The following CUX1 variants were observed in gnomAD, a reference collection of about 807,000 sequenced individuals.
CUX1 encodes protein CASP.
Under a neutral mutation model 158.8 loss-of-function variants are expected in CUX1, and 31 were observed. That is an observed-to-expected ratio of 0.20 (90% confidence interval 0.15 to 0.26). The LOEUF is 0.26. CUX1 is among the 10% of genes least tolerant of loss of function. The pLI, the probability that CUX1 is intolerant of heterozygous loss-of-function variation, is 1.00. For missense variants in CUX1, 1,589 were observed against 2,014.6 expected (o/e 0.79, Z 4.04); for synonymous variants, 879 against 862.1 (o/e 1.02, Z -0.34).
intron 23 of CUX1, among the ~76,000 whole-genome samples, chr7:102,245,327 A>G (rs1032804286): frequency 9.9e-5 from 15 of 152,210 alleles, no homozygotes; most frequent in Non-Finnish European, 7.3e-5. Context: ...TATAGGCATG[A>G]GTCCCTGCAC....
chr7:101,955,984 C>T (rs1436585318), intron 2 of CUX1, among the ~76,000 whole-genome samples: 2 of 151,716 alleles, frequency 1.3e-5, no homozygotes, highest in African/African-American at 2.4e-5. Context: ...GGGATGAGAC[C>T]ATCCTGGCTA....
At chr7:102,157,653 G>T (rs577603111) in intron 8 of CUX1, among the ~76,000 whole-genome samples, 1 of 152,122 alleles carries the variant, frequency 6.6e-6, no homozygotes, top group Non-Finnish European at 1.5e-5. Context: ...GGTGGTGCAC[G>T]CCTGTAGTCT....
At chr7:101,885,480 G>A (rs1342769279) in intron 1 of CUX1, among the ~76,000 whole-genome samples, 1 of 152,192 alleles carries the variant, frequency 6.6e-6, no homozygotes, top group Non-Finnish European at 1.5e-5. Context: ...GATCCCTCAA[G>A]CCCAGGAGGT....
At position 102,253,987 on chromosome 7, in the gene CUX1, C is replaced by T. The variant is rs1801801722; in HGVS notation, c.*4945C>T. 2.3e-5 allele frequency: 23 copies of T among 985,400 alleles called. No individual in the cohort carries two copies. Among genetic ancestry groups the T allele is most frequent in the Non-Finnish European group, 2.8e-5 (23 of 829,988 alleles). 61.0% of individuals were successfully genotyped at this position (985,400 alleles called of 1,614,324 possible). ...TCACCCAGAACCACACCCCACAGAA[C>T]TGTGAGGCACGTGGGCTGGAGAGAG... On this transcript the variant is annotated 3_prime_UTR_variant, in exon 24 of 24. Coordinates refer to ENST00000292535, the MANE Select transcript of CUX1 (RefSeq NM_181552.4).
At chr7:102,064,207 G>A (rs569335407) in intron 3 of CUX1, among the ~76,000 whole-genome samples, 2 of 152,300 alleles carry the variant, frequency 1.3e-5, no homozygotes, top group South Asian at 4.1e-4. Flanking sequence ...CTTCCAAATA[G>A]TTTTGTGTCT....
intron 1 of CUX1, among the ~76,000 whole-genome samples, chr7:101,877,745 A>AATCCCT (rs1799294775): frequency 6.8e-6 from 1 of 145,990 alleles, no homozygotes; most frequent in Non-Finnish European, 1.5e-5. Context: ...AGTACATTAA[A>AATCCCT]ATCCCTCCAA....
At chr7:102,020,895 A>AG (rs1819259184) in intron 2 of CUX1, among the ~76,000 whole-genome samples, 1 of 151,740 alleles carries the variant, frequency 6.6e-6, no homozygotes. Flanking sequence ...AAAAAAAAAA[A>AG]AAGAAATTAC....
chr7:101,962,771 A>C (rs1810669951), intron 2 of CUX1, among the ~76,000 whole-genome samples: 2 of 152,046 alleles, frequency 1.3e-5, no homozygotes, highest in Non-Finnish European at 2.9e-5. Context: ...CCCAGGCTGG[A>C]GTTCAGTGGT....
intron 14 of CUX1, 25 bp from the exon 15 acceptor site, chr7:102,196,609 G>T: frequency 6.6e-7 from 1 of 1,504,132 alleles, no homozygotes; most frequent in Non-Finnish European, 8.9e-7. Flanking sequence ...CCCCCATAAT[G>T]CATTCTGTTT....
At chr7:102,135,843 C>T (rs1157235385) in intron 8 of CUX1, among the ~76,000 whole-genome samples, 8 of 151,736 alleles carry the variant, frequency 5.3e-5, no homozygotes, top group Non-Finnish European at 8.8e-5. Context: ...GGTGTGGTGG[C>T]GCGTGCCTAT....
intron 2 of CUX1, among the ~76,000 whole-genome samples, chr7:101,956,093 A>G (rs1404050827): frequency 7.0e-6 from 1 of 141,920 alleles, no homozygotes; most frequent in African/African-American, 2.6e-5. Flanking sequence ...GAGGCAGGAG[A>G]ATGGCGTGAA....
chr7:101,893,393 AC>A (rs1205973491), intron 1 of CUX1, among the ~76,000 whole-genome samples: 1 of 152,102 alleles, frequency 6.6e-6, no homozygotes. Flanking sequence ...AATCTAGGAA[AC>A]AAAACTGCAC....
chr7:102,150,187 G>C (rs548819208), intron 8 of CUX1, among the ~76,000 whole-genome samples: 1 of 152,004 alleles, frequency 6.6e-6, no homozygotes, highest in Non-Finnish European at 1.5e-5. Context: ...ACAGGGTCTC[G>C]CTCTGGTACC....
intron 18 of CUX1, chr7:102,278,213 C>T (rs1791748629): frequency 3.9e-6 from 2 of 512,908 alleles, no homozygotes; most frequent in East Asian, 3.4e-5. Flanking sequence ...CATCTCCCCA[C>T]CCACCCACCT....
intron 2 of CUX1, among the ~76,000 whole-genome samples, chr7:101,937,351 G>A (rs1807065538): frequency 6.6e-6 from 1 of 152,174 alleles, no homozygotes; most frequent in African/African-American, 2.4e-5. Flanking sequence ...CAGAGATAGA[G>A]GCAGAACCTG....
intron 3 of CUX1, among the ~76,000 whole-genome samples, chr7:102,052,179 CCACTG>C (rs71676590): frequency 0.14 from 21,799 of 152,026 alleles, 1,629 homozygotes; most frequent in Middle Eastern, 0.22. Flanking sequence ...CGAGATTGCA[CCACTG>C]CACTCCAGCC....
chr7:101,895,992 C>T (rs2131692934), intron 1 of CUX1, among the ~76,000 whole-genome samples: 1 of 149,156 alleles, frequency 6.7e-6, no homozygotes, highest in South Asian at 2.1e-4. Flanking sequence ...TAATTGCGGC[C>T]TCAACCTCCC....
At position 102,234,188 on chromosome 7, in the gene CUX1, C is replaced by T. The variant is rs117295733; in HGVS notation, c.3570C>T (p.Asn1190=). ...TCGTCCGGATGCAGCTGTGGCTGAA[C>T]GACCCCAACAATGTGGAGAAGCTGA... ...EPFVRMQLWL[N]DPNNVEKLMD... The change falls in exon 22 of 24, where the codon AAC becomes AAT. Residue 1190 remains asparagine (N), a synonymous_variant. Transcript: ENST00000292535. 5.7e-3 allele frequency: 9,027 copies of T among 1,594,762 alleles called. 380 individuals are homozygous for T. In the East Asian group the frequency reaches 0.097, roughly 17 times the overall value.
At chr7:102,264,097 C>T (rs1430480308) in intron 14 of CUX1, among the ~76,000 whole-genome samples, 8 of 150,708 alleles carry the variant, frequency 5.3e-5, no homozygotes, top group African/African-American at 2.0e-4. Flanking sequence ...CCTCCGCCTC[C>T]CAGGTTCAAG....
Sources: allele counts gnomAD v4.1 joint callset (sites outside exome capture counted in the v4.1 genomes callset), GRCh38; gene constraint gnomAD v4.1.1; transcripts MANE v1.5; gene names NCBI Gene and HGNC (gene_info 2026-07-23, HGNC 2026-07-21).